Variants in GALK2 observed in about 807,000 individuals in gnomAD.
GALK2 encodes galactokinase 2.
A neutral mutation model predicts 52.4 loss-of-function variants in GALK2; 36 were observed. The observed-to-expected ratio is 0.69, with a 90% confidence interval of 0.53 to 0.91. The LOEUF is 0.91. Ranked by LOEUF, GALK2 falls within the 40% of genes least tolerant of loss-of-function variation. GALK2 has a pLI of 0.00. For synonymous variants in GALK2, 176 were observed against 199.1 expected, an observed-to-expected ratio of 0.88 and a Z score of 0.98; for missense variants, 579 against 559.1, an observed-to-expected ratio of 1.04 and a Z score of -0.36.
intron 3 of GALK2, chr15:49,365,192 A>G: frequency 1.2e-6 from 1 of 807,370 alleles, no homozygotes; most frequent in Non-Finnish European, 2.2e-6. Flanking sequence ...CAGATGGTCC[A>G]TCATCTGATA....
intron 3 of GALK2, among the ~76,000 whole-genome samples, chr15:49,360,609 C>T (rs9888727): frequency 0.95 from 144,996 of 152,226 alleles, 69,125 homozygotes; most frequent in African/African-American, 0.99. Context: ...GCTCTAAATA[C>T]ATTTTATCCA....
At chr15:49,217,427 G>A in intron 3 of GALK2, 114 bp downstream of exon 3, 8 of 1,051,106 alleles carry the variant, frequency 7.6e-6, no homozygotes, top group Non-Finnish European at 1.1e-5. Flanking sequence ...GATATTTTGT[G>A]TCTGACATTA....
intron 3 of GALK2, among the ~76,000 whole-genome samples, chr15:49,337,054 T>C (rs770490745): frequency 3.3e-5 from 5 of 152,232 alleles, no homozygotes; most frequent in Non-Finnish European, 7.3e-5. Context: ...TAGAATTCCA[T>C]GGTGTATATG....
At chr15:49,343,206 G>T (rs888249604) in intron 3 of GALK2, among the ~76,000 whole-genome samples, 3 of 152,000 alleles carry the variant, frequency 2.0e-5, no homozygotes, top group East Asian at 1.9e-4. Context: ...ATTTCTCAAA[G>T]ATTTTGTTTA....
intron 5 of GALK2, among the ~76,000 whole-genome samples, chr15:49,245,337 T>C (rs914115292): frequency 6.6e-6 from 1 of 152,220 alleles, no homozygotes; most frequent in African/African-American, 2.4e-5. Context: ...CAGAGTGAGC[T>C]AGGGGCTGCC....
intron 5 of GALK2, among the ~76,000 whole-genome samples, chr15:49,276,970 C>CTTTTTTTTT (rs1233754984): frequency 3.5e-5 from 1 of 28,328 alleles, no homozygotes; most frequent in African/African-American, 1.2e-4. Flanking sequence ...TTTTTCTTTT[C>CTTTTTTTTT]TTTTTTTTTT....
At chr15:49,176,012 A>T (rs2085427889) in intron 1 of GALK2, among the ~76,000 whole-genome samples, 3 of 152,206 alleles carry the variant, frequency 2.0e-5, no homozygotes, top group Admixed American at 1.3e-4. Context: ...AGTCTTGCTG[A>T]TGCTCCCGGC....
chr15:49,302,208 C>T (rs945834288), intron 8 of GALK2, among the ~76,000 whole-genome samples: 88 of 152,318 alleles, frequency 5.8e-4, no homozygotes, highest in African/African-American at 2.0e-3. Flanking sequence ...AGCAATCCTG[C>T]ACCAATTACG....
At chr15:49,343,397 T>C (rs565282923) in intron 3 of GALK2, among the ~76,000 whole-genome samples, 1 of 152,272 alleles carries the variant, frequency 6.6e-6, no homozygotes, top group East Asian at 1.9e-4. Context: ...CTAAGATGTG[T>C]ATCTCTTACT....
chr15:49,286,944 A>G (rs1462190690), intron 7 of GALK2, among the ~76,000 whole-genome samples: 1 of 152,212 alleles, frequency 6.6e-6, no homozygotes, highest in Admixed American at 6.5e-5. Context: ...GAGCTGAAAC[A>G]AGTATTAGAC....
intron 1 of GALK2, among the ~76,000 whole-genome samples, chr15:49,188,406 C>T (rs2086508890): frequency 6.6e-6 from 1 of 152,184 alleles, no homozygotes; most frequent in Non-Finnish European, 1.5e-5. Context: ...TGTTACAAGA[C>T]AGCACTGAAT....
rs192482449 is a variant in GALK2, at chr15:49,272,612, T to A, written c.505-9375T>A. 5.3e-5 allele frequency among the ~76,000 whole-genome samples: 8 copies of A among 152,274 alleles called. No individual in the cohort carries two copies. The East Asian group carries it at 1.5e-3, about 29-fold the overall frequency. ...TCCCTTTGCATCTCATTATTACCTT[T>A]TAGATTCATGTTAATATTTTAACAG... is the stretch of plus-strand genomic sequence containing the variant. On this transcript the variant is annotated intron_variant, in intron 5 of 9. Coordinates refer to ENST00000560031, the MANE Select transcript of GALK2 (RefSeq NM_002044.4).
chr15:49,302,713 A>G (rs2035216011), intron 8 of GALK2, among the ~76,000 whole-genome samples: 1 of 152,184 alleles, frequency 6.6e-6, no homozygotes. Context: ...CTTCTTGTAA[A>G]TGTTTTGGAA....
chr15:49,164,554 G>A lies in GALK2; in HGVS notation c.20+8538G>A, dbSNP rs552597215. ...GCAGCACTTTGGGAGGCCAAGGCAG[G>A]TGGATCACCTGAGGTCAGGAGTTCA... On this transcript the variant is annotated intron_variant, in intron 1 of 9. Transcript: ENST00000327171. 8.7e-4 allele frequency among the ~76,000 whole-genome samples: 133 copies of A among 152,118 alleles called. 1 individual carries two copies. The highest frequency in any genetic ancestry group is 3.0e-3 in the African/African-American group (124 of 41,536).
In GALK2 at chr15:49,158,494, A is replaced by C. The variant is rs539140034; in HGVS notation, c.20+2478A>C. On this transcript the variant is annotated intron_variant, in intron 1 of 9. Transcript: ENST00000327171. The stretch of plus-strand genomic sequence containing the variant: ...CAGTCAAAACTTTATTCCATTTGTC[A>C]TAATGGTAACTAGTTGAGTCACTAA... Among the ~76,000 whole-genome samples, 10 of 152,334 alleles carry C rather than the reference A, an allele frequency of 6.6e-5. No individual in the cohort carries two copies. The South Asian group carries it at 2.1e-3, about 32-fold the overall frequency.
At chr15:49,220,509 A>T (rs549515779) in intron 3 of GALK2, among the ~76,000 whole-genome samples, 5 of 152,086 alleles carry the variant, frequency 3.3e-5, no homozygotes, top group African/African-American at 9.6e-5. Context: ...TTGATTCCCT[A>T]TCTTTGCTAT....
chr15:49,268,818 A>C (rs145297894), intron 5 of GALK2, among the ~76,000 whole-genome samples: 1,532 of 152,298 alleles, frequency 0.01, 12 homozygotes, highest in Non-Finnish European at 0.016. Context: ...AATTGGGTAC[A>C]TCTCCTGGTC....
At chr15:49,211,191 T>C (rs1434286964) in intron 2 of GALK2, among the ~76,000 whole-genome samples, 1 of 152,200 alleles carries the variant, frequency 6.6e-6, no homozygotes, top group African/African-American at 2.4e-5. Context: ...TCACCAGATA[T>C]CATCACTCTC....
At chr15:49,181,986 T>C (rs1356035744) in intron 1 of GALK2, among the ~76,000 whole-genome samples, 1 of 152,198 alleles carries the variant, frequency 6.6e-6, no homozygotes, top group Admixed American at 6.5e-5. Context: ...ATCATTTCTT[T>C]GTGTTATAAA....
Sources: gnomAD v4.1 joint callset for allele counts (sites outside exome capture counted in the v4.1 genomes callset) on GRCh38, gnomAD v4.1.1 for gene constraint, MANE v1.5 for transcripts, NCBI Gene and HGNC (gene_info 2026-07-23, HGNC 2026-07-21) for gene names.